Variants in LAP3 observed in about 807,000 individuals in gnomAD.
LAP3 encodes the protein cytosol aminopeptidase.
Under a neutral mutation model 58.8 loss-of-function variants are expected in LAP3, and 46 were observed. The observed-to-expected ratio is 0.78, with a 90% CI of 0.62 to 1.00. The LOEUF is 1.00. LAP3 is among the 50% of genes least tolerant of loss of function. The pLI is 0.00. For missense variants in LAP3, 615 were observed against 659.1 expected (o/e 0.93, Z 0.73); for synonymous variants, 257 against 237.7 (o/e 1.08, Z -0.75).
chr4:17,596,019 A>T (rs548582631), intron 8 of LAP3, among the ~76,000 whole-genome samples: 1 of 152,096 alleles, frequency 6.6e-6, no homozygotes, highest in Non-Finnish European at 1.5e-5. Context: ...AGCATTGCTC[A>T]TACTCATTTC....
intron 10 of LAP3, among the ~76,000 whole-genome samples, chr4:17,601,351 G>A (rs528390175): frequency 2.6e-5 from 4 of 152,280 alleles, no homozygotes; most frequent in Admixed American, 1.3e-4. Context: ...CTTTAGAGCC[G>A]TGGTCCCAAC....
chr4:17,587,445 T>TTTG (rs1360130918), intron 6 of LAP3: 5 of 135,718 alleles, frequency 3.7e-5, no homozygotes, highest in Admixed American at 1.5e-4. Context: ...TTTTTTTTTT[T>TTTG]GAAGTGATTT....
At chr4:17,603,270 T>C (rs1036470902) in intron 10 of LAP3, among the ~76,000 whole-genome samples, 7 of 151,840 alleles carry the variant, frequency 4.6e-5, no homozygotes, top group African/African-American at 1.7e-4. Flanking sequence ...ATCGCACCAC[T>C]GCACTCCAGC....
At position 17,581,961 on chromosome 4, in the gene LAP3, C is replaced by T. The variant is rs1308207232; in HGVS notation, c.273+147C>T. The T allele has an allele frequency of 2.1e-5, 15 of 701,230 alleles. No individual in the cohort carries two copies. In the South Asian group the frequency reaches 2.5e-4, roughly 12 times the overall value. The allele number at this position is 701,230 out of a possible 1,614,324, so 43.4% of individuals were successfully genotyped here. On this transcript the variant is annotated intron_variant, in intron 3 of 12. Coordinates refer to ENST00000226299, the MANE Select transcript of LAP3 (RefSeq NM_015907.3). ...AAGCAGAACATTTAAGATTAAGAGG[C>T]GATTTGCTGTCAAAAACTACTGCCT... is the stretch of plus-strand genomic sequence containing the variant.
At chr4:17,581,108 G>A (rs76508261) in intron 2 of LAP3, among the ~76,000 whole-genome samples, 1,997 of 152,256 alleles carry the variant, frequency 0.013, 42 homozygotes, top group South Asian at 0.041. Context: ...TCTGTGCTAC[G>A]GGCCTCTTAT....
intron 7 of LAP3, among the ~76,000 whole-genome samples, chr4:17,592,168 C>A (rs76625886): frequency 0.026 from 3,990 of 152,298 alleles, 79 homozygotes; most frequent in Non-Finnish European, 0.039. Context: ...CACCTATGCA[C>A]CGTTCACCAC....
chr4:17,594,355 G>C (rs1713776030), intron 7 of LAP3, among the ~76,000 whole-genome samples: 1 of 152,170 alleles, frequency 6.6e-6, no homozygotes, highest in Admixed American at 6.5e-5. Context: ...TTTAATTCTT[G>C]GTGAACATGC....
intron 6 of LAP3, 38 bp from the exon 7 acceptor site, chr4:17,588,781 A>T: frequency 6.4e-7 from 1 of 1,557,722 alleles, no homozygotes; most frequent in Non-Finnish European, 8.8e-7. Flanking sequence ...AAATAAAGGT[A>T]ACAGTATATT....
chr4:17,577,238 A>G lies in LAP3; in HGVS notation c.-228A>G. 2.7e-6 allele frequency: 1 copy of G among 365,414 alleles called. No homozygotes were observed. Among genetic ancestry groups the G allele is most frequent in the Non-Finnish European group, 4.8e-6 (1 of 209,974 alleles). 22.6% of individuals were successfully genotyped at this position (365,414 alleles called of 1,614,324 possible). ...CGCACACGAATGCGGGCGCACACGA[A>G]TGCGGGCGCACCCTTGAGTCCCCTC... On this transcript the variant is annotated 5_prime_UTR_variant, in exon 1 of 13. The change abolishes an upstream ATG in the 5' untranslated region. Transcript: ENST00000226299.
chr4:17,601,171 A>G (rs1186901596), intron 10 of LAP3, among the ~76,000 whole-genome samples: 1 of 152,198 alleles, frequency 6.6e-6, no homozygotes, highest in African/African-American at 2.4e-5. Context: ...CTTCCAGACT[A>G]TGAGCAATTC....
In LAP3 at chr4:17,595,390, C is replaced by G; in HGVS notation, c.864-20C>G. ...CATCTTCTTTGCTCTTAATATTGCA[C>G]GTTGTCCATTTCCCCATAGTGGTGG... On this transcript the variant is annotated intron_variant, in intron 7 of 12. Coordinates refer to ENST00000226299, the MANE Select transcript of LAP3 (RefSeq NM_015907.3). 1 of 1,612,198 alleles carries G rather than the reference C, an allele frequency of 6.2e-7. No individual in the cohort carries two copies.
chr4:17,597,146 TGA>T lies in LAP3; in HGVS notation c.1077+15_1077+16del, dbSNP rs377651349. On this transcript the variant is annotated intron_variant, in intron 9 of 12. Transcript: ENST00000226299. Reference sequence around the variant, plus strand: ...GGAAGACCATCCAGGTTTGTAAATGTGAGACACAGCACTCCCCATCCAGCGTT... The same window carrying T: ...GGAAGACCATCCAGGTTTGTAAATGTGACACAGCACTCCCCATCCAGCGTT... 1.3e-4 allele frequency: 211 copies of T among 1,608,756 alleles called. 2 individuals carry two copies. The African/African-American group carries it at 2.4e-3, about 18-fold the overall frequency.
At chr4:17,584,741 C>T (rs759880404) in intron 5 of LAP3, 4 of 379,426 alleles carry the variant, frequency 1.1e-5, no homozygotes, top group African/African-American at 2.1e-5. Flanking sequence ...AGTGCCTGAC[C>T]GGATACCCTC....
rs1386200808 is a variant in LAP3, at chr4:17,579,947, T to C, written c.218+8T>C. On this transcript the variant is annotated splice_region_variant and intron_variant, in intron 2 of 12. Coordinates refer to ENST00000226299, the MANE Select transcript of LAP3 (RefSeq NM_015907.3). ...GAGAGAGACTTTGAACATGTAAGTG[T>C]TGCTTGTGGGCTCTAGTTCTTAAAG... The C allele has an allele frequency of 1.3e-6, 2 of 1,505,206 alleles. No individual in the cohort carries two copies. Among genetic ancestry groups the C allele is most frequent in the Non-Finnish European group, 1.8e-6 (2 of 1,086,260 alleles). The allele number at this position is 1,505,206 out of a possible 1,614,324, so 93.2% of individuals were successfully genotyped here.
At chr4:17,597,158 C>T in intron 9 of LAP3, 24 bp downstream of exon 9, 1 of 1,588,154 alleles carries the variant, frequency 6.3e-7, no homozygotes, top group Non-Finnish European at 8.6e-7. Context: ...AGACACAGCA[C>T]TCCCCATCCA....
At chr4:17,597,193 G>A in intron 9 of LAP3, 59 bp downstream of exon 9, 1 of 1,400,262 alleles carries the variant, frequency 7.1e-7, no homozygotes, top group Non-Finnish European at 1.0e-6. Context: ...TCCCGTGGTG[G>A]CCACATAACC....
chr4:17,607,322 G>C, intron 12 of LAP3, 78 bp from the exon 13 acceptor site: 1 of 1,276,208 alleles, frequency 7.8e-7, no homozygotes. Flanking sequence ...TTTGGTTATA[G>C]AATGTACTTA....
At chr4:17,579,970 A>C in intron 2 of LAP3, 31 bp downstream of exon 2, 1 of 1,210,118 alleles carries the variant, frequency 8.3e-7, no homozygotes, top group Non-Finnish European at 1.2e-6. Context: ...CTAGTTCTTA[A>C]AGTGCCCCCA....
chr4:17,596,242 A>C (rs575083760), intron 8 of LAP3, among the ~76,000 whole-genome samples: 1 of 152,332 alleles, frequency 6.6e-6, no homozygotes, highest in South Asian at 2.1e-4. Flanking sequence ...GTAATGACAA[A>C]ACCATTATCT....
Sources: allele counts gnomAD v4.1 joint callset (sites outside exome capture counted in the v4.1 genomes callset), GRCh38; gene constraint gnomAD v4.1.1; transcripts MANE v1.5; gene names NCBI Gene and HGNC (gene_info 2026-07-23, HGNC 2026-07-21).